Variants in ZNF469 observed in about 807,000 individuals in gnomAD.
ZNF469 encodes the protein zinc finger protein 469.
In ZNF469, 1 loss-of-function variant was observed where a neutral mutation model predicts 1.0. The ratio of observed to expected loss-of-function variants is 1.00; its 90% CI spans 0.35 to 4.73. The LOEUF (loss-of-function observed/expected upper bound fraction) is 4.73. ZNF469 is among the 30% of genes most tolerant of loss of function. The pLI is 0.16. For synonymous variants in ZNF469, 2,703 were observed against 2,363.4 expected (o/e 1.14, Z -4.17); for missense variants, 6,100 against 5,356.3 (o/e 1.14, Z -4.33).
chr16:88,404,491 C>T (rs1904972207), intron 1 of ZNF469, among the ~76,000 whole-genome samples: 1 of 152,142 alleles, frequency 6.6e-6, no homozygotes, highest in Non-Finnish European at 1.5e-5. Context: ...TTCTGTTAGG[C>T]CTTCGTGGTG....
At chr16:88,407,532 G>A (rs553340850) in intron 1 of ZNF469, among the ~76,000 whole-genome samples, 6 of 152,212 alleles carry the variant, frequency 3.9e-5, no homozygotes, top group Admixed American at 2.6e-4. Flanking sequence ...GTGTGCATCC[G>A]ACGTCTGAGT....
At position 88,431,829 on chromosome 16, in the gene ZNF469, A is replaced by C. The variant is rs1208448658; in HGVS notation, c.4359A>C (p.Ser1453=). ...RAASPPTLES[S]SLFPDLPVDR... ...CATCGCCACCGACCTTGGAGTCCTC[A>C]TCCCTCTTCCCAGACCTGCCGGTGG... The change falls in exon 3 of 3, where the codon TCA becomes TCC. Residue 1453 remains serine, a synonymous_variant. Transcript: ENST00000565624. 9.0e-6 allele frequency: 14 copies of C among 1,549,782 alleles called. No homozygotes were observed. Among genetic ancestry groups the C allele is most frequent in the Non-Finnish European group, 1.2e-5 (14 of 1,146,934 alleles).
chr16:88,145,909 AG>A, the ZNF469 span, among the ~76,000 whole-genome samples: 1 of 152,248 alleles, frequency 6.6e-6, no homozygotes, highest in Non-Finnish European at 1.5e-5. Flanking sequence ...CCTTCAGACC[AG>A]GGCCCAGCGG....
chr16:88,391,198 A>G (rs1904482358), intron 1 of ZNF469, among the ~76,000 whole-genome samples: 1 of 152,186 alleles, frequency 6.6e-6, no homozygotes, highest in Non-Finnish European at 1.5e-5. Flanking sequence ...AGATGTGGAG[A>G]GCACCTCAAT....
the ZNF469 span, among the ~76,000 whole-genome samples, chr16:88,183,732 T>G: frequency 1.3e-5 from 2 of 152,280 alleles, no homozygotes; most frequent in Middle Eastern, 3.4e-3. Context: ...GGGGTGAGCC[T>G]TATGTGTGTA....
At chr16:88,291,863 G>C in the ZNF469 span, among the ~76,000 whole-genome samples, 5 of 152,130 alleles carry the variant, frequency 3.3e-5, no homozygotes, top group Non-Finnish European at 7.4e-5. Context: ...CGTCCTCCCT[G>C]GCGAGCTGAT....
At position 88,439,030 on chromosome 16, in the gene ZNF469, C is replaced by G. The variant is rs1465949016; in HGVS notation, c.11560C>G (p.Pro3854Ala). ...CCGGACCCCTCGGAAGCAGGCAACT[C>G]CCAGCCGCGTGCTCCCGACCAAGCC... ...PPRTPRKQAT[P>A]SRVLPTKPKP... The change falls in exon 3 of 3, where the codon CCC (proline) becomes GCC (alanine). Residue 3854 changes from proline (P) to alanine (A), a missense_variant. Transcript: ENST00000565624. 1 of 1,550,494 alleles carries G rather than the reference C, an allele frequency of 6.4e-7. No homozygotes were observed. The highest frequency in any genetic ancestry group is 2.4e-5 in the East Asian group (1 of 40,910).
chr16:88,439,052 A>C lies in ZNF469; in HGVS notation c.11582A>C (p.Lys3861Thr). The change falls in exon 3 of 3, where the codon AAG becomes ACG. Residue 3861 changes from lysine to threonine, a missense_variant. Lys to Thr is a moderately conservative substitution (Grantham distance 78, BLOSUM62 -1). Transcript: ENST00000565624. ...ACTCCCAGCCGCGTGCTCCCGACCA[A>C]GCCCAAGCCCAACAGCCAGAACAAA... Reference protein sequence around the residue: ...QATPSRVLPTKPKPNSQNKPR... With the variant: ...QATPSRVLPTTPKPNSQNKPR... 2.6e-6 allele frequency: 4 copies of C among 1,550,574 alleles called. No homozygotes were observed. Among genetic ancestry groups the C allele is most frequent in the Non-Finnish European group, 3.5e-6 (4 of 1,146,976 alleles).
the ZNF469 span, among the ~76,000 whole-genome samples, chr16:88,368,971 TG>T: frequency 6.6e-6 from 1 of 151,798 alleles, no homozygotes; most frequent in Non-Finnish European, 1.5e-5. Context: ...CCCAGCTACT[TG>T]GGAGGCTGAG....
chr16:88,197,759 G>T, the ZNF469 span, among the ~76,000 whole-genome samples: 1 of 152,212 alleles, frequency 6.6e-6, no homozygotes, highest in African/African-American at 2.4e-5. Context: ...CCACTTCTAC[G>T]TTTGCACCTG....
the ZNF469 span, among the ~76,000 whole-genome samples, chr16:88,279,131 T>A: frequency 8.2e-6 from 1 of 122,530 alleles, no homozygotes; most frequent in African/African-American, 2.7e-5. Flanking sequence ...GCACGGTTAG[T>A]GCTGCACCAC....
In ZNF469 at chr16:88,435,484, G is replaced by C. The variant is rs1302533609; in HGVS notation, c.8014G>C (p.Ala2672Pro). ...ACCATCCCCTGCAATGGCCAGTTAC[G>C]CAGCCTCTCCGAGCCACTGCCTCTC... Reference protein sequence around the residue: ...SRPSPAMASYAASPSHCLSVE... With the variant: ...SRPSPAMASYPASPSHCLSVE... The change falls in exon 3 of 3, where the codon GCA becomes CCA. Residue 2672 changes from alanine to proline, a missense_variant. Coordinates refer to ENST00000565624, the MANE Select transcript of ZNF469 (RefSeq NM_001367624.2). 6.5e-7 allele frequency: 1 copy of C among 1,548,914 alleles called. No homozygotes were observed. The highest frequency in any genetic ancestry group is 8.7e-7 in the Non-Finnish European group (1 of 1,146,986).
the ZNF469 span, among the ~76,000 whole-genome samples, chr16:88,217,267 C>G: frequency 2.6e-5 from 4 of 152,040 alleles, no homozygotes; most frequent in African/African-American, 9.7e-5. Flanking sequence ...TCTCCTTAAT[C>G]CAGCCAGGTA....
chr16:88,358,946 C>G, the ZNF469 span, among the ~76,000 whole-genome samples: 1 of 152,196 alleles, frequency 6.6e-6, no homozygotes, highest in Non-Finnish European at 1.5e-5. Context: ...CAGTCTCAGG[C>G]TCTTCTAACT....
chr16:88,105,817 C>T, the ZNF469 span, among the ~76,000 whole-genome samples: 1 of 152,236 alleles, frequency 6.6e-6, no homozygotes. Context: ...TACGTGGTGG[C>T]ATCTGGTGCA....
chr16:88,389,497 C>G (rs1003370724), intron 1 of ZNF469, among the ~76,000 whole-genome samples: 21 of 152,258 alleles, frequency 1.4e-4, no homozygotes, highest in African/African-American at 5.1e-4. Flanking sequence ...TGGGCACCCA[C>G]TGTCATCTCT....
At chr16:88,134,293 T>C in the ZNF469 span, among the ~76,000 whole-genome samples, 1 of 152,244 alleles carries the variant, frequency 6.6e-6, no homozygotes, top group Non-Finnish European at 1.5e-5. Context: ...TTCCTTTTCA[T>C]GGCTGCACGG....
At chr16:88,204,811 A>G in the ZNF469 span, among the ~76,000 whole-genome samples, 3 of 152,212 alleles carry the variant, frequency 2.0e-5, no homozygotes, top group Non-Finnish European at 1.5e-5. Flanking sequence ...AGAAGTCTGC[A>G]GCTTTTCACT....
At chr16:88,380,838 A>G (rs1367547982), upstream of ZNF469, among the ~76,000 whole-genome samples, 1 of 147,992 alleles carries the variant, frequency 6.8e-6, no homozygotes, top group East Asian at 2.0e-4. Flanking sequence ...ACACGCACTC[A>G]CACAGACATG....
Sources: allele counts gnomAD v4.1 joint callset (sites outside exome capture counted in the v4.1 genomes callset), GRCh38; gene constraint gnomAD v4.1.1; transcripts MANE v1.5; gene names NCBI Gene and HGNC (gene_info 2026-07-23, HGNC 2026-07-21).